TBC1D22A: variants seen among roughly 807,000 people sequenced by gnomAD.
The protein encoded by TBC1D22A is putative GTPase activator.
Under a neutral mutation model 60.2 loss-of-function variants are expected in TBC1D22A, and 38 were observed. The ratio of observed to expected loss-of-function variants is 0.63; its 90% CI spans 0.49 to 0.83. The LOEUF (loss-of-function observed/expected upper bound fraction) is 0.83. Among genes scored for constraint, TBC1D22A ranks in the 40% least tolerant of loss-of-function variants. The pLI is 0.00. For synonymous variants in TBC1D22A, 302 were observed against 281.7 expected (o/e 1.07, Z -0.72); for missense variants, 628 against 701.0 (o/e 0.90, Z 1.18).
chr22:46,862,215 G>A (rs913892824), intron 4 of TBC1D22A, among the ~76,000 whole-genome samples: 5 of 152,222 alleles, frequency 3.3e-5, no homozygotes, highest in Admixed American at 2.6e-4. Context: ...CTCAGTGAAT[G>A]TCAGCTTTTG....
chr22:46,897,652 G>GTTTTTTTTTTTTT (rs34529641), intron 7 of TBC1D22A, among the ~76,000 whole-genome samples: 3 of 111,472 alleles, frequency 2.7e-5, no homozygotes, highest in African/African-American at 1.2e-4. Flanking sequence ...TTTTTTTTGT[G>GTTTTTTTTTTTTT]TTTTTTTTTT....
chr22:46,973,396 G>C (rs542666996), intron 8 of TBC1D22A, among the ~76,000 whole-genome samples: 24 of 152,350 alleles, frequency 1.6e-4, no homozygotes, highest in African/African-American at 5.5e-4. Flanking sequence ...GTGCGCAGGA[G>C]AGGGCCTGGC....
chr22:47,033,865 T>TG (rs2062568721), intron 10 of TBC1D22A, among the ~76,000 whole-genome samples: 1 of 151,708 alleles, frequency 6.6e-6, no homozygotes, highest in Non-Finnish European at 1.5e-5. Context: ...GAGGAGGGAG[T>TG]GGGGGTCTGG....
At chr22:47,086,390 G>A (rs145312301) in intron 11 of TBC1D22A, among the ~76,000 whole-genome samples, 1 of 152,198 alleles carries the variant, frequency 6.6e-6, no homozygotes, top group South Asian at 2.1e-4. Flanking sequence ...GGGAGGCGGA[G>A]GTTGCGGTGA....
At chr22:47,104,675 A>T (rs1180230297) in intron 11 of TBC1D22A, among the ~76,000 whole-genome samples, 1 of 149,382 alleles carries the variant, frequency 6.7e-6, no homozygotes, top group East Asian at 1.9e-4. Context: ...AGCCTGGGCG[A>T]CAGAGAAAGA....
chr22:47,139,133 C>T (rs1193366427), intron 12 of TBC1D22A, among the ~76,000 whole-genome samples: 2 of 152,238 alleles, frequency 1.3e-5, no homozygotes, highest in African/African-American at 4.8e-5. Flanking sequence ...CACCCTGAGC[C>T]TTTGCGGGAG....
Position 46,960,878 on chromosome 22 carries a change from C to T in TBC1D22A, c.1016-13412C>T, listed in dbSNP as rs182550466. Among the ~76,000 whole-genome samples the T allele has an allele frequency of 4.8e-3, 685 of 142,306 alleles. 5 individuals are homozygous for T. The highest frequency in any genetic ancestry group is 0.017 in the African/African-American group (642 of 37,990). 93.4% of individuals were successfully genotyped at this position (142,306 alleles called of 152,430 possible). On this transcript the variant is annotated intron_variant, in intron 8 of 12. Coordinates refer to ENST00000337137, the MANE Select transcript of TBC1D22A (RefSeq NM_014346.5). ...AGGAGAATGGCGTGAACCCAGGAGG[C>T]GGAGCTTGCAGTGAGCCAGTGAGCC...
chr22:46,856,082 CCTGAGG>C (rs2087553980), intron 4 of TBC1D22A, among the ~76,000 whole-genome samples: 2 of 152,232 alleles, frequency 1.3e-5, no homozygotes, highest in South Asian at 2.1e-4. Context: ...CTGCATGTCC[CCTGAGG>C]TTTGTTCCGG....
At chr22:46,837,423 A>G (rs1159661265) in intron 4 of TBC1D22A, among the ~76,000 whole-genome samples, 1 of 152,210 alleles carries the variant, frequency 6.6e-6, no homozygotes, top group Non-Finnish European at 1.5e-5. Context: ...AGACCATTCC[A>G]TCCAACAGCT....
intron 8 of TBC1D22A, among the ~76,000 whole-genome samples, chr22:46,954,509 CCT>C (rs1639850101): frequency 1.3e-5 from 2 of 152,180 alleles, no homozygotes; most frequent in Admixed American, 6.5e-5. Flanking sequence ...CATTTCAACC[CCT>C]CTCATTGGCC....
At position 46,793,530 on chromosome 22, in the gene TBC1D22A, C is replaced by G. The variant is rs139283566; in HGVS notation, c.149C>G (p.Thr50Ser). The stretch of plus-strand genomic sequence containing the variant: ...CTCAGGTCCACGGCCAAGATGCCGA[C>G]CACACCAGTGAAGGCCAAGAGGGTC... ...TLLRSTAKMPTTPVKAKRVST... is the reference protein window; with the variant it reads ...TLLRSTAKMPSTPVKAKRVST... Residue 50 changes from threonine (T) to serine (S), a missense_variant, in exon 3 of 13, where the codon ACC becomes AGC. By Grantham distance (58) the Thr-to-Ser change is moderately conservative. Transcript: ENST00000337137. 41 of 1,614,086 alleles carry G rather than the reference C, an allele frequency of 2.5e-5. No individual in the cohort carries two copies. The highest frequency in any genetic ancestry group is 3.2e-5 in the Non-Finnish European group (38 of 1,180,060).
chr22:46,944,505 T>C (rs2072390051), intron 8 of TBC1D22A, among the ~76,000 whole-genome samples: 1 of 152,140 alleles, frequency 6.6e-6, no homozygotes, highest in Non-Finnish European at 1.5e-5. Context: ...TTCACGCCAT[T>C]CTCCTGCCTC....
chr22:47,046,027 G>A (rs376953489), intron 11 of TBC1D22A, among the ~76,000 whole-genome samples: 44 of 152,280 alleles, frequency 2.9e-4, no homozygotes, highest in East Asian at 9.7e-4. Context: ...GGAGGTTCCC[G>A]GCTGTGGGCC....
intron 8 of TBC1D22A, among the ~76,000 whole-genome samples, chr22:46,954,629 T>C (rs1310071676): frequency 6.6e-6 from 1 of 152,004 alleles, no homozygotes; most frequent in African/African-American, 2.4e-5. Flanking sequence ...AGCTGAGTGA[T>C]GTGGAGGATG....
In TBC1D22A at chr22:47,043,915, C is replaced by G. The variant is rs189246200; in HGVS notation, c.1329+6717C>G. 4.7e-4 allele frequency among the ~76,000 whole-genome samples: 16 copies of G among 34,362 alleles called. No homozygotes were observed. In the East Asian group the frequency reaches 0.032, roughly 68 times the overall value. The allele number at this position is 34,362 out of a possible 152,430, so 22.5% of individuals were successfully genotyped here. A position where few individuals can be genotyped will look rare whatever the true frequency, so the allele number is the denominator to read the frequency against. ...CATGTGGGAGGCTCTGTGTGCCTTG[C>G]TCAGACATTGCATTTTATCTGGGGC... On this transcript the variant is annotated intron_variant, in intron 11 of 12. Coordinates refer to ENST00000337137, the MANE Select transcript of TBC1D22A (RefSeq NM_014346.5).
At chr22:46,927,641 A>T (rs1311745577) in intron 8 of TBC1D22A, among the ~76,000 whole-genome samples, 1 of 152,236 alleles carries the variant, frequency 6.6e-6, no homozygotes, top group Admixed American at 6.5e-5. Flanking sequence ...GAAAAAAATA[A>T]AACTACCTCT....
intron 4 of TBC1D22A, among the ~76,000 whole-genome samples, chr22:46,850,889 T>G (rs2147276858): frequency 6.6e-6 from 1 of 152,312 alleles, no homozygotes; most frequent in African/African-American, 2.4e-5. Flanking sequence ...GGATGAACCT[T>G]GAATGCATTA....
chr22:46,806,358 T>TTG (rs1569064199), intron 4 of TBC1D22A, among the ~76,000 whole-genome samples: 1 of 150,278 alleles, frequency 6.7e-6, no homozygotes, highest in Non-Finnish European at 1.5e-5. Context: ...TTTTTTTTTT[T>TTG]GCCCGGAAAT....
At chr22:47,102,479 C>A (rs1173756912) in intron 11 of TBC1D22A, among the ~76,000 whole-genome samples, 3 of 152,206 alleles carry the variant, frequency 2.0e-5, no homozygotes, top group Non-Finnish European at 4.4e-5. Context: ...CCTGTTTTCC[C>A]ACTGAGTGCT....
Sources: gnomAD v4.1 joint callset for allele counts (sites outside exome capture counted in the v4.1 genomes callset) on GRCh38, gnomAD v4.1.1 for gene constraint, MANE v1.5 for transcripts, NCBI Gene and HGNC (gene_info 2026-07-23, HGNC 2026-07-21) for gene names.